COL11A1: variants seen among roughly 807,000 people sequenced by gnomAD.
The protein encoded by COL11A1 is collagen alpha-1(XI) chain.
A neutral mutation model predicts 265.2 loss-of-function variants in COL11A1; 74 were observed. That is an observed-to-expected ratio of 0.28 (90% confidence interval 0.23 to 0.34). The LOEUF (loss-of-function observed/expected upper bound fraction) is 0.34. Among genes scored for constraint, COL11A1 ranks in the 10% least tolerant of loss-of-function variants. The pLI is 1.00. For missense variants in COL11A1, 2,165 were observed against 2,263.6 expected (o/e 0.96, Z 0.88); for synonymous variants, 816 against 727.6 (o/e 1.12, Z -1.96).
At position 102,879,933 on chromosome 1, in the gene COL11A1, A is replaced by G; in HGVS notation, c.5041-17T>C. The G allele has an allele frequency of 2.0e-6, 3 of 1,505,384 alleles. No homozygotes were observed. Among genetic ancestry groups the G allele is most frequent in the Non-Finnish European group, 2.8e-6 (3 of 1,081,420 alleles). The allele number at this position is 1,505,384 out of a possible 1,614,324, so 93.3% of individuals were successfully genotyped here. On this transcript the variant is annotated splice_polypyrimidine_tract_variant and intron_variant, in intron 65 of 66. Coordinates refer to ENST00000370096, the MANE Select transcript of COL11A1 (RefSeq NM_001854.4). ...GTATGAAAGCTAGGAATAAAGGAATAAAAAGACACCTAATGACTCTTTTCC... is the reference window on the plus strand; with the variant it reads ...GTATGAAAGCTAGGAATAAAGGAATGAAAAGACACCTAATGACTCTTTTCC...
chr1:103,010,703 A>ATT (rs750645755), intron 14 of COL11A1, among the ~76,000 whole-genome samples: 7 of 144,704 alleles, frequency 4.8e-5, no homozygotes, highest in Admixed American at 6.9e-5. Flanking sequence ...ATATTTGTAA[A>ATT]TTTTTTTTTT....
intron 14 of COL11A1, among the ~76,000 whole-genome samples, chr1:103,009,666 A>C (rs1255336182): frequency 6.6e-6 from 1 of 152,202 alleles, no homozygotes; most frequent in Non-Finnish European, 1.5e-5. Context: ...TACACATTCC[A>C]TTAAATACTA....
At chr1:103,029,180 C>T (rs79037189) in intron 5 of COL11A1, among the ~76,000 whole-genome samples, 6,455 of 151,936 alleles carry the variant, frequency 0.042, 243 homozygotes, top group African/African-American at 0.097. Context: ...AAAAGCATAT[C>T]GGTTGACTTA....
intron 65 of COL11A1, among the ~76,000 whole-genome samples, chr1:102,881,254 C>A (rs1650205455): frequency 6.6e-6 from 1 of 151,860 alleles, no homozygotes. Flanking sequence ...GTATGGAAAT[C>A]TTTAAATTTG....
At chr1:103,101,648 G>A (rs1296505711) in intron 1 of COL11A1, among the ~76,000 whole-genome samples, 1 of 151,656 alleles carries the variant, frequency 6.6e-6, no homozygotes. Context: ...GTGCACTCAA[G>A]TTCTATGAAT....
At chr1:103,056,749 G>A (rs1367992216) in intron 4 of COL11A1, among the ~76,000 whole-genome samples, 1 of 152,044 alleles carries the variant, frequency 6.6e-6, no homozygotes, top group Non-Finnish European at 1.5e-5. Context: ...CCACAATAAA[G>A]AAAATATTGC....
intron 3 of COL11A1, 133 bp from the exon 4 acceptor site, chr1:103,074,913 A>T: frequency 9.6e-7 from 1 of 1,043,820 alleles, no homozygotes; most frequent in Non-Finnish European, 1.4e-6. Context: ...AGGCTCATTT[A>T]TTAAGCAGCC....
At chr1:102,936,261 A>G (rs913000023) in intron 44 of COL11A1, among the ~76,000 whole-genome samples, 6 of 151,922 alleles carry the variant, frequency 3.9e-5, no homozygotes, top group African/African-American at 1.4e-4. Context: ...AAGCCCTACA[A>G]ACATTTGGAT....
rs933651133 is a variant in COL11A1, at chr1:102,990,185, CCAA to C, written c.2341-617_2341-615del. On this transcript the variant is annotated intron_variant, in intron 28 of 66. Transcript: ENST00000370096. ...GGTGACAGAGCAAGAACTTCTCCCC[CCAA>C]CAACAACAACAAGAACAACAACAAC... 1.7e-4 allele frequency among the ~76,000 whole-genome samples: 26 copies of C among 151,918 alleles called. No homozygotes were observed. The East Asian group carries it at 3.3e-3, about 19-fold the overall frequency.
chr1:102,897,347 G>A (rs933003690), intron 57 of COL11A1, among the ~76,000 whole-genome samples: 11 of 151,532 alleles, frequency 7.3e-5, no homozygotes, highest in African/African-American at 2.2e-4. Context: ...CCACACATAC[G>A]AGTGCTATAT....
At chr1:103,071,513 A>C (rs552025784) in intron 4 of COL11A1, among the ~76,000 whole-genome samples, 15 of 117,070 alleles carry the variant, frequency 1.3e-4, no homozygotes, top group African/African-American at 5.2e-4. Flanking sequence ...GGAAATATTC[A>C]TTCAATCAGA....
At chr1:102,975,184 C>T (rs1454555463) in intron 35 of COL11A1, among the ~76,000 whole-genome samples, 3 of 151,092 alleles carry the variant, frequency 2.0e-5, no homozygotes, top group African/African-American at 7.3e-5. Flanking sequence ...AGAAGTTCTG[C>T]AGTGTCTTTA....
At chr1:103,097,477 G>C (rs776614168) in intron 1 of COL11A1, among the ~76,000 whole-genome samples, 2 of 149,900 alleles carry the variant, frequency 1.3e-5, no homozygotes, top group Non-Finnish European at 2.9e-5. Context: ...AGTTTTCTTC[G>C]ACTTTACTAA....
In COL11A1 at chr1:103,108,061, A is replaced by AT. The variant is rs1674853942; in HGVS notation, c.106+11dup. Reference sequence around the variant, plus strand: ...GGCAATCTCCCACCTCCCCAAATCCATTTTTTCTTACCTCCTCTGACCTCT... The same window carrying AT: ...GGCAATCTCCCACCTCCCCAAATCCATTTTTTTCTTACCTCCTCTGACCTCT... On this transcript the variant is annotated intron_variant, in intron 1 of 66. Transcript: ENST00000370096. 2 of 1,608,708 alleles carry AT rather than the reference A, an allele frequency of 1.2e-6. No homozygotes were observed. The highest frequency in any genetic ancestry group is 2.2e-5 in the East Asian group (1 of 44,694).
At chr1:102,955,500 C>T (rs1660286265) in intron 41 of COL11A1, among the ~76,000 whole-genome samples, 1 of 152,110 alleles carries the variant, frequency 6.6e-6, no homozygotes. Context: ...TTAACTTCCA[C>T]AACTCCTAGG....
intron 41 of COL11A1, among the ~76,000 whole-genome samples, chr1:102,955,312 A>T (rs1014638375): frequency 1.3e-5 from 2 of 152,212 alleles, no homozygotes; most frequent in African/African-American, 2.4e-5. Context: ...CTCTTAGAGA[A>T]GCAAGAGAAG....
At position 103,023,136 on chromosome 1, in the gene COL11A1, G is replaced by T. The variant is rs1571069397; in HGVS notation, c.991-140C>A. The T allele has an allele frequency of 3.7e-6, 3 of 806,578 alleles. No homozygotes were observed. The East Asian group carries it at 7.6e-5, about 20-fold the overall frequency. 50.0% of individuals were successfully genotyped at this position (806,578 alleles called of 1,614,324 possible). ...TCAAGCAACTCTAAACACCTGGAAA[G>T]TAGGCTTTCAGTATCATTGAAAGAA... On this transcript the variant is annotated intron_variant, in intron 7 of 66. Transcript: ENST00000370096.
rs201424786 is a variant in COL11A1, at chr1:103,003,275, G to T, written c.1945-7C>A. ...CCAGCAAACCTCGTGGGCCCTAGGA[G>T]AAAAAGAAAAAGCACGCCTTTATTA... On this transcript the variant is annotated splice_region_variant and splice_polypyrimidine_tract_variant and intron_variant, in intron 20 of 66. Transcript: ENST00000370096. 2.4e-4 allele frequency: 389 copies of T among 1,609,482 alleles called. 1 individual carries two copies. In the African/African-American group the frequency reaches 5.0e-3, roughly 21 times the overall value.
At chr1:102,954,776 G>A (rs1660207544) in intron 41 of COL11A1, among the ~76,000 whole-genome samples, 1 of 151,906 alleles carries the variant, frequency 6.6e-6, no homozygotes, top group Non-Finnish European at 1.5e-5. Context: ...CCTAGGAGGC[G>A]GAGGTTGCAG....
Sources: allele counts gnomAD v4.1 joint callset (sites outside exome capture counted in the v4.1 genomes callset), GRCh38; gene constraint gnomAD v4.1.1; transcripts MANE v1.5; gene names NCBI Gene and HGNC (gene_info 2026-07-23, HGNC 2026-07-21).